Variants in THSD7A observed in about 807,000 individuals in gnomAD.
The protein encoded by THSD7A is thrombospondin type-1 domain-containing protein 7A.
A neutral mutation model predicts 231.3 loss-of-function variants in THSD7A; 96 were observed. That is an observed-to-expected ratio of 0.41 (90% CI 0.35 to 0.49). The LOEUF (loss-of-function observed/expected upper bound fraction) is 0.49, where lower values mean the gene tolerates loss of function less well. Ranked by LOEUF, THSD7A falls within the 20% of genes least tolerant of loss-of-function variation. THSD7A has a pLI of 0.05. For missense variants in THSD7A, 2,290 were observed against 2,070.2 expected (o/e 1.11, Z -2.06); for synonymous variants, 940 against 743.3 (o/e 1.26, Z -4.30).
chr7:11,741,315 C>T (rs1014401070), intron 1 of THSD7A, among the ~76,000 whole-genome samples: 1 of 151,836 alleles, frequency 6.6e-6, no homozygotes, highest in African/African-American at 2.4e-5. Flanking sequence ...TTTAAGAGAT[C>T]CAAAGGGGAA....
chr7:11,713,508 T>A (rs1781031936), intron 1 of THSD7A, among the ~76,000 whole-genome samples: 1 of 151,232 alleles, frequency 6.6e-6, no homozygotes, highest in Non-Finnish European at 1.5e-5. Context: ...AGCAGATTAC[T>A]CATGGAGGCA....
At chr7:11,431,356 T>A (rs183560909) in intron 13 of THSD7A, among the ~76,000 whole-genome samples, 1 of 152,170 alleles carries the variant, frequency 6.6e-6, no homozygotes, top group Non-Finnish European at 1.5e-5. Flanking sequence ...GTATGTTTCA[T>A]TTTGAGTGAA....
intron 20 of THSD7A, 83 bp downstream of exon 20, chr7:11,407,223 T>C (rs1783615835): frequency 1.4e-6 from 2 of 1,433,492 alleles, no homozygotes; most frequent in Admixed American, 4.1e-5. Flanking sequence ...CTGAAGATTA[T>C]TTGATATGGG....
At chr7:11,766,560 T>C (rs1369923571) in intron 1 of THSD7A, among the ~76,000 whole-genome samples, 1 of 152,200 alleles carries the variant, frequency 6.6e-6, no homozygotes, top group Non-Finnish European at 1.5e-5. Flanking sequence ...CAAGTGAATG[T>C]CATGTGGACT....
chr7:11,392,997 G>T (rs985711741), intron 23 of THSD7A, among the ~76,000 whole-genome samples: 1 of 152,222 alleles, frequency 6.6e-6, no homozygotes, highest in Non-Finnish European at 1.5e-5. Flanking sequence ...TGATGGCTCT[G>T]AAGAGAGCAG....
Position 11,715,833 on chromosome 7 carries a change from T to G in THSD7A, c.191-78872A>C, listed in dbSNP as rs184784671. On this transcript the variant is annotated intron_variant, in intron 1 of 27. Transcript: ENST00000423059. Reference sequence around the variant, plus strand: ...CAGAGGGATGAAAAACAGTAAATGATGGACGCTTTATTACATGAAAGCCAG... The same window carrying G: ...CAGAGGGATGAAAAACAGTAAATGAGGGACGCTTTATTACATGAAAGCCAG... Among the ~76,000 whole-genome samples the G allele has an allele frequency of 7.9e-3, 1,200 of 151,642 alleles. 14 individuals carry two copies. Among genetic ancestry groups the G allele is most frequent in the Non-Finnish European group, 8.1e-3 (551 of 67,678 alleles).
intron 1 of THSD7A, among the ~76,000 whole-genome samples, chr7:11,676,634 A>C (rs1783648484): frequency 6.6e-6 from 1 of 152,168 alleles, no homozygotes; most frequent in African/African-American, 2.4e-5. Context: ...AGAAGTATCA[A>C]TAGCTGATTC....
intron 1 of THSD7A, among the ~76,000 whole-genome samples, chr7:11,734,704 T>C (rs1781847763): frequency 6.6e-6 from 1 of 152,000 alleles, no homozygotes. Flanking sequence ...TTATTCAGAA[T>C]GTAAACATCC....
Position 11,384,352 on chromosome 7 carries a change from T to C in THSD7A, c.4412-1736A>G, listed in dbSNP as rs563384179. On this transcript the variant is annotated intron_variant, in intron 23 of 27. Transcript: ENST00000423059. ...TGGCTTGTCCTGTAACCTTCTACTG[T>C]GTAGAAGTTTTAAATTTTAATTTAA... 4.6e-5 allele frequency: 7 copies of C among 151,632 alleles called. No homozygotes were observed. The South Asian group carries it at 6.2e-4, about 13-fold the overall frequency. The allele number at this position is 151,632 out of a possible 1,614,324, so 9.4% of individuals were successfully genotyped here. A position where few individuals can be genotyped will look rare whatever the true frequency, so the allele number is the denominator to read the frequency against.
intron 1 of THSD7A, among the ~76,000 whole-genome samples, chr7:11,687,655 T>C (rs1236610803): frequency 6.6e-6 from 1 of 151,950 alleles, no homozygotes; most frequent in Admixed American, 6.6e-5. Flanking sequence ...TACTTGAGAA[T>C]ACTTCTGTCA....
intron 1 of THSD7A, among the ~76,000 whole-genome samples, chr7:11,711,510 A>T (rs1780964780): frequency 6.6e-6 from 1 of 151,078 alleles, no homozygotes; most frequent in Non-Finnish European, 1.5e-5. Context: ...CCACACTTGC[A>T]ATTTTATGTA....
chr7:11,483,011 T>A (rs537711919), intron 6 of THSD7A, among the ~76,000 whole-genome samples: 2 of 152,158 alleles, frequency 1.3e-5, no homozygotes. Context: ...AATGAAATCA[T>A]ACACAATCAA....
intron 1 of THSD7A, among the ~76,000 whole-genome samples, chr7:11,753,096 C>T (rs2128165468): frequency 6.6e-6 from 1 of 152,030 alleles, no homozygotes; most frequent in South Asian, 2.1e-4. Context: ...TATAAGAAAC[C>T]AAACATGGCT....
chr7:11,384,751 G>A (rs559553772), intron 23 of THSD7A: 1 of 151,884 alleles, frequency 6.6e-6, no homozygotes, highest in South Asian at 2.1e-4. Flanking sequence ...AGTAAGTCTT[G>A]ATATAAAGCC....
chr7:11,541,717 T>C (rs1789157729), intron 5 of THSD7A, 86 bp from the exon 6 acceptor site: 1 of 1,228,628 alleles, frequency 8.1e-7, no homozygotes, highest in South Asian at 1.3e-5. Flanking sequence ...GAGTAAAAGT[T>C]GGATAAGAGT....
chr7:11,454,492 C>T (rs1785240335), intron 11 of THSD7A, among the ~76,000 whole-genome samples: 1 of 151,636 alleles, frequency 6.6e-6, no homozygotes, highest in African/African-American at 2.4e-5. Context: ...GATTTTACTT[C>T]TTGCCTTTTT....
intron 7 of THSD7A, among the ~76,000 whole-genome samples, chr7:11,480,655 C>T (rs1786385716): frequency 6.6e-6 from 1 of 151,984 alleles, no homozygotes; most frequent in South Asian, 2.1e-4. Context: ...TAAAATTTCA[C>T]ACAGGTTGGC....
At chr7:11,450,350 T>C (rs1427804244) in intron 11 of THSD7A, among the ~76,000 whole-genome samples, 1 of 152,038 alleles carries the variant, frequency 6.6e-6, no homozygotes, top group East Asian at 1.9e-4. Context: ...AAAATTCCCA[T>C]AGCTATTCTC....
At chr7:11,760,127 T>G (rs1782807707) in intron 1 of THSD7A, among the ~76,000 whole-genome samples, 1 of 152,050 alleles carries the variant, frequency 6.6e-6, no homozygotes, top group African/African-American at 2.4e-5. Flanking sequence ...GGATTTGTTC[T>G]GATAAATATT....
Sources: gnomAD v4.1 joint callset for allele counts (sites outside exome capture counted in the v4.1 genomes callset) on GRCh38, gnomAD v4.1.1 for gene constraint, MANE v1.5 for transcripts, NCBI Gene and HGNC (gene_info 2026-07-23, HGNC 2026-07-21) for gene names.